GPHN: variants seen among roughly 807,000 people sequenced by gnomAD.
GPHN encodes gephyrin.
In GPHN, 17 loss-of-function variants were observed where a neutral mutation model predicts 95.5. The observed-to-expected ratio is 0.18, with a 90% CI of 0.12 to 0.27. The LOEUF is 0.27. Among genes scored for constraint, GPHN ranks in the 10% least tolerant of loss-of-function variants. The probability of loss-of-function intolerance (pLI) is 1.00; values close to 1 mark genes in which losing one functional copy is unlikely to be tolerated. For synonymous variants in GPHN, 320 were observed against 322.5 expected, an observed-to-expected ratio of 0.99 and a Z score of 0.08; for missense variants, 660 against 978.1, an observed-to-expected ratio of 0.67 and a Z score of 4.34.
chr14:66,912,046 A>C (rs927408315), intron 5 of GPHN, among the ~76,000 whole-genome samples: 7 of 152,110 alleles, frequency 4.6e-5, no homozygotes, highest in African/African-American at 1.7e-4. Flanking sequence ...TACAGATATT[A>C]GTATGTTATT....
chr14:66,744,970 A>G (rs1278320421), intron 2 of GPHN, among the ~76,000 whole-genome samples: 1 of 152,128 alleles, frequency 6.6e-6, no homozygotes, highest in African/African-American at 2.4e-5. Flanking sequence ...TAAAGTCTTA[A>G]GTCAAATGAA....
intron 1 of GPHN, among the ~76,000 whole-genome samples, chr14:66,585,174 G>T (rs1205366154): frequency 6.6e-6 from 1 of 152,080 alleles, no homozygotes; most frequent in Non-Finnish European, 1.5e-5. Context: ...GTTTATTTGT[G>T]TAGAGGTGTT....
chr14:67,156,639 C>A (rs1436209895), intron 18 of GPHN, among the ~76,000 whole-genome samples: 2 of 152,006 alleles, frequency 1.3e-5, no homozygotes, highest in East Asian at 3.9e-4. Flanking sequence ...GCAGAAGTGA[C>A]AAATGGTACA....
chr14:67,048,234 C>G (rs186050857), intron 10 of GPHN, among the ~76,000 whole-genome samples: 67 of 152,212 alleles, frequency 4.4e-4, no homozygotes, highest in African/African-American at 1.6e-3. Context: ...CCTGAGTGAA[C>G]CCCTATTCAT....
At chr14:67,420,627 C>T in the GPHN span, among the ~76,000 whole-genome samples, 1 of 152,178 alleles carries the variant, frequency 6.6e-6, no homozygotes, top group African/African-American at 2.4e-5. Context: ...AGGCATCCCA[C>T]CCTTGCCAGC....
chr14:66,817,346 T>A (rs2061015119), intron 3 of GPHN, among the ~76,000 whole-genome samples: 1 of 152,144 alleles, frequency 6.6e-6, no homozygotes, highest in African/African-American at 2.4e-5. Flanking sequence ...TTTGTGCCAA[T>A]TTATTTAAAT....
At chr14:66,996,919 A>G (rs138003457) in intron 9 of GPHN, among the ~76,000 whole-genome samples, 11 of 152,278 alleles carry the variant, frequency 7.2e-5, no homozygotes, top group Admixed American at 2.0e-4. Context: ...GTGTTAAACT[A>G]TAGAATAAAT....
At chr14:66,665,496 A>T (rs958832614) in intron 1 of GPHN, among the ~76,000 whole-genome samples, 17 of 152,366 alleles carry the variant, frequency 1.1e-4, no homozygotes, top group African/African-American at 4.1e-4. Context: ...GACACATGAA[A>T]AAATGCTCAT....
chr14:67,643,113 T>G, the GPHN span, among the ~76,000 whole-genome samples: 2 of 152,158 alleles, frequency 1.3e-5, no homozygotes, highest in Non-Finnish European at 2.9e-5. Context: ...GTGGATACAT[T>G]TTCTGCCTCC....
chr14:67,426,794 C>T, the GPHN span, among the ~76,000 whole-genome samples: 2 of 152,142 alleles, frequency 1.3e-5, no homozygotes, highest in African/African-American at 2.4e-5. Flanking sequence ...AGGCTGGTTT[C>T]GAACTCCTGA....
intron 1 of GPHN, among the ~76,000 whole-genome samples, chr14:66,534,119 G>T (rs1199175840): frequency 6.6e-6 from 1 of 152,038 alleles, no homozygotes; most frequent in African/African-American, 2.4e-5. Flanking sequence ...TGCTGTAGTA[G>T]CAATTTTTAA....
the GPHN span, among the ~76,000 whole-genome samples, chr14:67,732,282 C>A: frequency 1.5e-4 from 22 of 151,368 alleles, no homozygotes; most frequent in South Asian, 4.2e-4. Flanking sequence ...TACTAAAAAT[C>A]AAAAAATTAG....
chr14:67,060,970 T>C (rs1348033902), intron 11 of GPHN, among the ~76,000 whole-genome samples: 1 of 152,242 alleles, frequency 6.6e-6, no homozygotes, highest in African/African-American at 2.4e-5. Context: ...ATACTTGTTT[T>C]TCTACATCCT....
At chr14:67,520,098 T>G in the GPHN span, among the ~76,000 whole-genome samples, 1 of 152,198 alleles carries the variant, frequency 6.6e-6, no homozygotes, top group East Asian at 1.9e-4. Context: ...CCATAGCTCC[T>G]GCCTCCACAC....
the GPHN span, among the ~76,000 whole-genome samples, chr14:67,389,810 A>AT: frequency 8.3e-6 from 1 of 120,470 alleles, no homozygotes; most frequent in Non-Finnish European, 1.8e-5. Context: ...TCATTTGTTT[A>AT]TTTTTTCCTT....
the GPHN span, among the ~76,000 whole-genome samples, chr14:67,721,260 G>A: frequency 6.6e-6 from 1 of 152,074 alleles, no homozygotes; most frequent in Non-Finnish European, 1.5e-5. Context: ...AACACAGAGC[G>A]AGGAAGGGCA....
chr14:67,290,690 G>A, the GPHN span, among the ~76,000 whole-genome samples: 1 of 151,982 alleles, frequency 6.6e-6, no homozygotes, highest in East Asian at 1.9e-4. Context: ...GAGCCACTGT[G>A]CCTAGACATT....
At chr14:67,567,136 A>G in the GPHN span, among the ~76,000 whole-genome samples, 1 of 147,788 alleles carries the variant, frequency 6.8e-6, no homozygotes, top group Non-Finnish European at 1.5e-5. Context: ...AGGCATGATC[A>G]CTCGTGTTCC....
chr14:67,479,405 T>G, the GPHN span, among the ~76,000 whole-genome samples: 3 of 128,754 alleles, frequency 2.3e-5, no homozygotes, highest in South Asian at 7.1e-4. Context: ...AGCAAGACTC[T>G]GTCTCAAAAA....
Sources: gnomAD v4.1 joint callset for allele counts (sites outside exome capture counted in the v4.1 genomes callset) on GRCh38, gnomAD v4.1.1 for gene constraint, MANE v1.5 for transcripts, NCBI Gene and HGNC (gene_info 2026-07-23, HGNC 2026-07-21) for gene names.